XKR9: variants seen among roughly 807,000 people sequenced by gnomAD.
The protein encoded by XKR9 is XK related 9.
XKR9 carries 32 observed loss-of-function variants against 32.0 expected under a neutral mutation model. That is an observed-to-expected ratio of 1.00 (90% CI 0.76 to 1.34). XKR9 has a LOEUF of 1.34. Ranked by LOEUF, XKR9 falls within the 40% of genes most tolerant of loss-of-function variation. The pLI is 0.00. For synonymous variants in XKR9, 168 were observed against 143.4 expected (o/e 1.17, Z -1.22); for missense variants, 546 against 429.7 (o/e 1.27, Z -2.39).
At chr8:70,786,821 T>G (rs1208582171) in intron 2 of XKR9, among the ~76,000 whole-genome samples, 2 of 152,154 alleles carry the variant, frequency 1.3e-5, no homozygotes, top group African/African-American at 4.8e-5. Flanking sequence ...TACTTTCTTG[T>G]TGTTTTGGAT....
intron 3 of XKR9, among the ~76,000 whole-genome samples, chr8:70,699,975 C>G (rs958632967): frequency 6.6e-6 from 1 of 152,158 alleles, no homozygotes; most frequent in Non-Finnish European, 1.5e-5. Flanking sequence ...TTGATCGCAT[C>G]AGCTCCTGAG....
At chr8:70,848,076 C>A in the XKR9 span, among the ~76,000 whole-genome samples, 4 of 152,182 alleles carry the variant, frequency 2.6e-5, no homozygotes, top group South Asian at 4.1e-4. Context: ...AACAAAATAA[C>A]TAGCAAACCA....
chr8:70,876,432 G>A, the XKR9 span, among the ~76,000 whole-genome samples: 11 of 151,912 alleles, frequency 7.2e-5, no homozygotes, highest in South Asian at 2.1e-4. Context: ...GGCTGGTCTC[G>A]TTCTTCAGAA....
At chr8:70,774,052 C>A (rs1478326496) in intron 2 of XKR9, among the ~76,000 whole-genome samples, 1 of 152,110 alleles carries the variant, frequency 6.6e-6, no homozygotes, top group African/African-American at 2.4e-5. Flanking sequence ...TGAGGTCATA[C>A]TTCAGAACAA....
At chr8:71,030,986 T>C in the XKR9 span, among the ~76,000 whole-genome samples, 3 of 152,172 alleles carry the variant, frequency 2.0e-5, no homozygotes, top group Non-Finnish European at 4.4e-5. Flanking sequence ...ATTGATAATG[T>C]TTGCTAAATA....
At chr8:70,697,604 T>A (rs1805332068) in intron 3 of XKR9, among the ~76,000 whole-genome samples, 1 of 149,536 alleles carries the variant, frequency 6.7e-6, no homozygotes, top group Non-Finnish European at 1.5e-5. Flanking sequence ...TATTGAGGAT[T>A]TTTGCATCAA....
intron 4 of XKR9, among the ~76,000 whole-genome samples, chr8:70,717,812 G>C (rs1448904482): frequency 2.6e-5 from 4 of 152,088 alleles, no homozygotes; most frequent in African/African-American, 9.7e-5. Flanking sequence ...TTTTTTTACA[G>C]CATTGTCAGG....
the XKR9 span, among the ~76,000 whole-genome samples, chr8:70,890,082 C>CT: frequency 6.6e-6 from 1 of 151,890 alleles, no homozygotes; most frequent in Non-Finnish European, 1.5e-5. Context: ...TCACCAGTAT[C>CT]TGTTGTTTTT....
chr8:70,837,651 T>C, the XKR9 span, among the ~76,000 whole-genome samples: 1 of 152,050 alleles, frequency 6.6e-6, no homozygotes, highest in Non-Finnish European at 1.5e-5. Context: ...CTTCACAGTT[T>C]AGCCAAATCT....
At chr8:70,998,524 T>C in the XKR9 span, among the ~76,000 whole-genome samples, 2 of 152,220 alleles carry the variant, frequency 1.3e-5, no homozygotes, top group African/African-American at 4.8e-5. Flanking sequence ...CAAAATTTAG[T>C]TCCTGTGGGT....
At chr8:70,727,153 A>C (rs1806498303) in intron 4 of XKR9, among the ~76,000 whole-genome samples, 1 of 152,186 alleles carries the variant, frequency 6.6e-6, no homozygotes, top group South Asian at 2.1e-4. Context: ...TTATGTTAAA[A>C]AATTAAGTTT....
intron 2 of XKR9, among the ~76,000 whole-genome samples, chr8:70,757,513 A>G (rs1807243910): frequency 6.6e-6 from 1 of 152,094 alleles, no homozygotes; most frequent in Non-Finnish European, 1.5e-5. Context: ...TATTTGGTAT[A>G]ATATTGTCAA....
chr8:70,920,449 A>G, the XKR9 span, among the ~76,000 whole-genome samples: 1 of 151,968 alleles, frequency 6.6e-6, no homozygotes, highest in African/African-American at 2.4e-5. Flanking sequence ...CAAATTTTTA[A>G]AAGAAATAGT....
At chr8:71,025,489 C>T in the XKR9 span, among the ~76,000 whole-genome samples, 1 of 152,162 alleles carries the variant, frequency 6.6e-6, no homozygotes, top group African/African-American at 2.4e-5. Context: ...CTTTTAAATT[C>T]AAAAGCTGTC....
chr8:70,816,866 A>G, the XKR9 span, among the ~76,000 whole-genome samples: 3 of 152,202 alleles, frequency 2.0e-5, no homozygotes, highest in Non-Finnish European at 2.9e-5. Context: ...AATTAAAAAC[A>G]ACAACCATAT....
the XKR9 span, among the ~76,000 whole-genome samples, chr8:70,845,205 G>A: frequency 6.6e-6 from 1 of 152,144 alleles, no homozygotes; most frequent in Non-Finnish European, 1.5e-5. Context: ...AAATCATATA[G>A]AGACTACACT....
the XKR9 span, among the ~76,000 whole-genome samples, chr8:70,841,944 T>G: frequency 6.6e-6 from 1 of 152,220 alleles, no homozygotes; most frequent in East Asian, 1.9e-4. Flanking sequence ...TATCTGTTCC[T>G]CATCTCACTC....
chr8:70,853,653 T>G, the XKR9 span, among the ~76,000 whole-genome samples: 1 of 152,084 alleles, frequency 6.6e-6, no homozygotes, highest in Non-Finnish European at 1.5e-5. Context: ...ATTAGGTATA[T>G]CTCCTAATGC....
At chr8:70,704,927 A>C (rs906632978) in intron 3 of XKR9, among the ~76,000 whole-genome samples, 3 of 152,004 alleles carry the variant, frequency 2.0e-5, no homozygotes, top group Non-Finnish European at 4.4e-5. Flanking sequence ...TCTGCCTTAT[A>C]CTGCAGCTAG....
Sources: gnomAD v4.1 joint callset for allele counts (sites outside exome capture counted in the v4.1 genomes callset) on GRCh38, gnomAD v4.1.1 for gene constraint, MANE v1.5 for transcripts, NCBI Gene and HGNC (gene_info 2026-07-23, HGNC 2026-07-21) for gene names.